YEATS2: variants seen among roughly 807,000 people sequenced by gnomAD.
YEATS2 encodes the protein YEATS domain-containing protein 2.
YEATS2 carries 77 observed loss-of-function variants against 163.2 expected under a neutral mutation model. The ratio of observed to expected loss-of-function variants is 0.47; its 90% CI spans 0.39 to 0.57. The LOEUF is 0.57. Ranked by LOEUF, YEATS2 falls within the 20% of genes least tolerant of loss-of-function variation. The pLI is 0.00. For synonymous variants in YEATS2, 631 were observed against 645.1 expected (o/e 0.98, Z 0.33); for missense variants, 1,549 against 1,729.8 (o/e 0.90, Z 1.85).
At chr3:183,700,876 G>A (rs1714007760) in intron 1 of YEATS2, among the ~76,000 whole-genome samples, 1 of 151,352 alleles carries the variant, frequency 6.6e-6, no homozygotes, top group South Asian at 2.1e-4. Flanking sequence ...ACAAAAAGTA[G>A]TTGCCAGGGG....
intron 1 of YEATS2, among the ~76,000 whole-genome samples, chr3:183,699,632 T>C (rs1317395912): frequency 6.8e-6 from 1 of 147,730 alleles, no homozygotes; most frequent in Non-Finnish European, 1.5e-5. Context: ...GGGGAAAGAG[T>C]GTGGAGAAGT....
At chr3:183,731,345 A>T (rs893765957) in intron 7 of YEATS2, among the ~76,000 whole-genome samples, 1 of 150,902 alleles carries the variant, frequency 6.6e-6, no homozygotes, top group Non-Finnish European at 1.5e-5. Context: ...AGATTTTTGT[A>T]GGTAGGTACA....
intron 9 of YEATS2, among the ~76,000 whole-genome samples, chr3:183,751,372 A>C (rs77080042): frequency 0.065 from 9,927 of 152,300 alleles, 464 homozygotes; most frequent in South Asian, 0.17. Flanking sequence ...GAGACCTCCA[A>C]CTTTGTTCTT....
intron 15 of YEATS2, among the ~76,000 whole-genome samples, chr3:183,764,894 T>A (rs1225624316): frequency 6.6e-6 from 1 of 152,226 alleles, no homozygotes; most frequent in Non-Finnish European, 1.5e-5. Context: ...TACCTGGTTA[T>A]AAGAATCATC....
chr3:183,711,312 AC>A (rs1715184983), intron 1 of YEATS2, among the ~76,000 whole-genome samples: 2 of 151,350 alleles, frequency 1.3e-5, no homozygotes, highest in East Asian at 3.9e-4. Flanking sequence ...CCACAAAAAT[AC>A]AAAAAAAAAA....
At chr3:183,738,039 C>G (rs1718535483) in intron 8 of YEATS2, among the ~76,000 whole-genome samples, 1 of 151,768 alleles carries the variant, frequency 6.6e-6, no homozygotes, top group African/African-American at 2.4e-5. Flanking sequence ...GATCAGTGGT[C>G]TTTGATGTTA....
chr3:183,798,246 C>T (rs987078632), intron 22 of YEATS2, among the ~76,000 whole-genome samples, 195 bp downstream of exon 22: 1 of 151,218 alleles, frequency 6.6e-6, no homozygotes, highest in Non-Finnish European at 1.5e-5. Context: ...TGCCAGGACT[C>T]AAAACCCAAA....
At chr3:183,738,535 A>G (rs1718602007) in intron 8 of YEATS2, among the ~76,000 whole-genome samples, 1 of 129,928 alleles carries the variant, frequency 7.7e-6, no homozygotes, top group African/African-American at 3.0e-5. Flanking sequence ...TATATCTCCC[A>G]ATGCTATCCC....
At chr3:183,803,560 G>C in intron 26 of YEATS2, 1 of 581,826 alleles carries the variant, frequency 1.7e-6, no homozygotes. Context: ...TTTTTTCTGA[G>C]TTTCAGAGTT....
chr3:183,784,701 A>G (rs934009956), intron 19 of YEATS2, among the ~76,000 whole-genome samples: 5 of 151,512 alleles, frequency 3.3e-5, no homozygotes, highest in Non-Finnish European at 7.4e-5. Context: ...CACTCGTTTC[A>G]CGCTGTAATC....
At chr3:183,800,418 C>A in intron 23 of YEATS2, 48 bp from the exon 24 acceptor site, 2 of 1,419,570 alleles carry the variant, frequency 1.4e-6, no homozygotes, top group Non-Finnish European at 2.0e-6. Context: ...ACGTGTCCTT[C>A]CACCACTGAC....
chr3:183,721,767 T>C, intron 4 of YEATS2, 124 bp from the exon 5 acceptor site: 1 of 1,269,488 alleles, frequency 7.9e-7, no homozygotes, highest in Non-Finnish European at 1.1e-6. Context: ...TTTATGGATG[T>C]GGGGAGATTT....
Position 183,809,181 on chromosome 3 carries a change from C to A in YEATS2, c.4160+11C>A, listed in dbSNP as rs367993532. ...AGCTTCTCACAACAGGTATTACTAT[C>A]TCTGCAGTCTGTGGTGTGAGGCTTA... On this transcript the variant is annotated intron_variant, in intron 30 of 30. Transcript: ENST00000305135. 1.3e-5 allele frequency: 21 copies of A among 1,613,598 alleles called. No homozygotes were observed. Among genetic ancestry groups the A allele is most frequent in the Non-Finnish European group, 1.8e-5 (21 of 1,179,666 alleles).
Position 183,810,680 on chromosome 3 carries a change from C to A in YEATS2, c.*97C>A, listed in dbSNP as rs1398813591. ...GGGAAGGAGGTGGTTTCCAGTGTGA[C>A]TCGGCATGTCATGGCTACCCAACCT... is the stretch of plus-strand genomic sequence containing the variant. On this transcript the variant is annotated 3_prime_UTR_variant, in exon 31 of 31. Coordinates refer to ENST00000305135, the MANE Select transcript of YEATS2 (RefSeq NM_018023.5). The A allele has an allele frequency of 1.8e-6, 2 of 1,139,056 alleles. No individual in the cohort carries two copies. The highest frequency in any genetic ancestry group is 2.6e-6 in the Non-Finnish European group (2 of 774,940). 70.6% of individuals were successfully genotyped at this position (1,139,056 alleles called of 1,614,324 possible). A position where few individuals can be genotyped will look rare whatever the true frequency, so the allele number is the denominator to read the frequency against.
At chr3:183,791,296 A>C (rs1433708497) in intron 21 of YEATS2, among the ~76,000 whole-genome samples, 1 of 152,154 alleles carries the variant, frequency 6.6e-6, no homozygotes, top group Non-Finnish European at 1.5e-5. Flanking sequence ...CAGCCTCCCA[A>C]AGTGCTGGGA....
At chr3:183,701,288 C>T (rs563771504) in intron 1 of YEATS2, among the ~76,000 whole-genome samples, 1 of 152,074 alleles carries the variant, frequency 6.6e-6, no homozygotes, top group South Asian at 2.1e-4. Flanking sequence ...GGGGTTTCAC[C>T]ATGTTAGCCA....
In YEATS2 at chr3:183,736,780, A is replaced by G; in HGVS notation, c.875A>G (p.His292Arg). ...GAGTTTCCCGTCAGAGTTCAAGTTC[A>G]TTTTAAGGACAGCCAGAACAAGCGG... ...WGEFPVRVQV[H>R]FKDSQNKRID... The change falls in exon 8 of 31, where the codon CAT becomes CGT. Residue 292 changes from histidine to arginine, a missense_variant. Transcript: ENST00000305135. 6.2e-7 allele frequency: 1 copy of G among 1,614,042 alleles called. No individual in the cohort carries two copies. Among genetic ancestry groups the G allele is most frequent in the Non-Finnish European group, 8.5e-7 (1 of 1,179,974 alleles).
chr3:183,750,336 G>C (rs1195207781), intron 9 of YEATS2, among the ~76,000 whole-genome samples: 2 of 152,214 alleles, frequency 1.3e-5, no homozygotes, highest in African/African-American at 4.8e-5. Flanking sequence ...CCTGCTGATG[G>C]ACACTTGCGT....
intron 1 of YEATS2, among the ~76,000 whole-genome samples, chr3:183,704,843 A>G (rs112613262): frequency 6.6e-6 from 1 of 152,076 alleles, no homozygotes; most frequent in African/African-American, 2.4e-5. Flanking sequence ...TGGCCAGGCT[A>G]GTTTCAAACT....
Sources: allele counts gnomAD v4.1 joint callset (sites outside exome capture counted in the v4.1 genomes callset), GRCh38; gene constraint gnomAD v4.1.1; transcripts MANE v1.5; gene names NCBI Gene and HGNC (gene_info 2026-07-23, HGNC 2026-07-21).